EMP1: variants seen among roughly 807,000 people sequenced by gnomAD.
EMP1 encodes the protein tumor-associated membrane protein.
Under a neutral mutation model 15.7 loss-of-function variants are expected in EMP1, and 5 were observed. That is an observed-to-expected ratio of 0.32 (90% CI 0.17 to 0.67). The LOEUF is 0.67. Among genes scored for constraint, EMP1 ranks in the 30% least tolerant of loss-of-function variants. The pLI, the probability that EMP1 is intolerant of heterozygous loss-of-function variation, is 0.74. For synonymous variants in EMP1, 78 were observed against 76.7 expected (o/e 1.02, Z -0.09); for missense variants, 166 against 194.2 (o/e 0.85, Z 0.86).
At chr12:13,207,474 G>C (rs1864121123) in intron 1 of EMP1, among the ~76,000 whole-genome samples, 1 of 152,100 alleles carries the variant, frequency 6.6e-6, no homozygotes, top group Non-Finnish European at 1.5e-5. Context: ...GTGTGGTCTG[G>C]GCAATGCAGA....
chr12:13,212,222 A>G (rs1291335794), intron 2 of EMP1, among the ~76,000 whole-genome samples: 3 of 152,152 alleles, frequency 2.0e-5, no homozygotes, highest in Non-Finnish European at 4.4e-5. Context: ...GAAAAAAAAA[A>G]TGGAGGTAGT....
At position 13,216,895 on chromosome 12, in the gene EMP1, G is replaced by A. The variant is rs1864221031; in HGVS notation, c.*2204G>A. Reference sequence around the variant, plus strand: ...ACTTGACATTTATTTGAGACATTAAGCTACTTTCTGGTAATATATTAGGCA... The same window carrying A: ...ACTTGACATTTATTTGAGACATTAAACTACTTTCTGGTAATATATTAGGCA... On this transcript the variant is annotated 3_prime_UTR_variant, in exon 5 of 5. Coordinates refer to ENST00000256951, the MANE Select transcript of EMP1 (RefSeq NM_001423.3). The A allele has an allele frequency of 6.3e-6, 1 of 158,478 alleles. No homozygotes were observed. 9.8% of individuals were successfully genotyped at this position (158,478 alleles called of 1,614,324 possible). A position where few individuals can be genotyped will look rare whatever the true frequency, so the allele number is the denominator to read the frequency against.
intron 1 of EMP1, chr12:13,199,621 T>A (rs11055279): frequency 1.3e-5 from 2 of 152,200 alleles, no homozygotes; most frequent in Non-Finnish European, 2.9e-5. Flanking sequence ...TCCTACTGTA[T>A]GCAGAAATCT....
Position 13,199,957 on chromosome 12 carries a change from TCTTCTTC to T in EMP1, c.-43+3086_-43+3092del, listed in dbSNP as rs1445231190. Among the ~76,000 whole-genome samples, 14 of 143,276 alleles carry T rather than the reference TCTTCTTC, an allele frequency of 9.8e-5. No homozygotes were observed. In the South Asian group the frequency reaches 2.3e-3, roughly 23 times the overall value. 94.0% of individuals were successfully genotyped at this position (143,276 alleles called of 152,430 possible). A position where few individuals can be genotyped will look rare whatever the true frequency, so the allele number is the denominator to read the frequency against. On this transcript the variant is annotated intron_variant, in intron 1 of 4. Transcript: ENST00000256951. ...TTGCATTATCTTTTCTTCTTCTTCT[TCTTCTTC>T]TTTTTTTTTTTTTTTTTGCCTAAGG... is the stretch of plus-strand genomic sequence containing the variant.
intron 1 of EMP1, among the ~76,000 whole-genome samples, chr12:13,203,883 C>G (rs1864087536): frequency 6.6e-6 from 1 of 152,196 alleles, no homozygotes; most frequent in Non-Finnish European, 1.5e-5. Context: ...AATAGGTTCT[C>G]TCTCTCTCAT....
rs1053419307 is a variant in EMP1 at position 13,215,093 on chromosome 12, T to C, written c.*402T>C. 2 of 196,926 alleles carry C rather than the reference T, an allele frequency of 1.0e-5. No homozygotes were observed. The highest frequency in any genetic ancestry group is 2.1e-5 in the Non-Finnish European group (2 of 94,652). 12.2% of individuals were successfully genotyped at this position (196,926 alleles called of 1,614,324 possible). A position where few individuals can be genotyped will look rare whatever the true frequency, so the allele number is the denominator to read the frequency against. On this transcript the variant is annotated 3_prime_UTR_variant, in exon 5 of 5. Coordinates refer to ENST00000256951, the MANE Select transcript of EMP1 (RefSeq NM_001423.3). ...CGGTACAAGTTCTGGCAAGAGCAGA[T>C]ACTGTCTTTGTGCTGAATACGCTAA...
rs1426264874 is a variant in EMP1, at chr12:13,197,333, A to G, written c.-43+461A>G. 2.0e-5 allele frequency among the ~76,000 whole-genome samples: 3 copies of G among 151,958 alleles called. No homozygotes were observed. The East Asian group carries it at 5.8e-4, about 29-fold the overall frequency. On this transcript the variant is annotated intron_variant, in intron 1 of 4. Transcript: ENST00000256951. Reference sequence around the variant, plus strand: ...CTCTGCTCGCTGGTTGTTGGTTGGGATTTTTTGGGTGGTGGTGGATAGATA... The same window carrying G: ...CTCTGCTCGCTGGTTGTTGGTTGGGGTTTTTTGGGTGGTGGTGGATAGATA...
At chr12:13,199,480 T>G (rs540027939) in intron 1 of EMP1, 1 of 152,402 alleles carries the variant, frequency 6.6e-6, no homozygotes, top group Non-Finnish European at 1.5e-5. Context: ...CTGTAGACTC[T>G]ATGGAGCCTG....
chr12:13,209,380 G>T (rs1864144237), intron 1 of EMP1: 1 of 152,088 alleles, frequency 6.6e-6, no homozygotes, highest in Non-Finnish European at 1.5e-5. Flanking sequence ...AGGGGCAAGG[G>T]TTAGACAAAT....
chr12:13,209,424 C>T (rs1450079034), intron 1 of EMP1: 1 of 152,184 alleles, frequency 6.6e-6, no homozygotes, highest in Non-Finnish European at 1.5e-5. Context: ...GGATTGTATA[C>T]ACCCTGCCTC....
intron 2 of EMP1, among the ~76,000 whole-genome samples, chr12:13,212,341 A>G (rs1864172548): frequency 6.6e-6 from 1 of 152,186 alleles, no homozygotes; most frequent in South Asian, 2.1e-4. Flanking sequence ...CCTTGGACCT[A>G]AAAACCAAGG....
In EMP1 at chr12:13,213,461, C is replaced by A; in HGVS notation, c.79-18C>A. ...AGGGCCAGCTTTCAATTAACATTTT[C>A]TTTCCTTCTGGTTTCAGGTCTGGTT... On this transcript the variant is annotated intron_variant, in intron 2 of 4. Transcript: ENST00000256951. 1 of 1,610,992 alleles carries A rather than the reference C, an allele frequency of 6.2e-7. No individual in the cohort carries two copies. Among genetic ancestry groups the A allele is most frequent in the Non-Finnish European group, 8.5e-7 (1 of 1,177,844 alleles).
At chr12:13,212,515 C>G (rs1864174048) in intron 2 of EMP1, among the ~76,000 whole-genome samples, 1 of 152,180 alleles carries the variant, frequency 6.6e-6, no homozygotes, top group Non-Finnish European at 1.5e-5. Flanking sequence ...TAAGACAACC[C>G]CCGCCCACGT....
At position 13,214,670 on chromosome 12, in the gene EMP1, T is replaced by G; in HGVS notation, c.453T>G (p.Tyr151Ter). ...FCFSFIIGVL[Y>*]LVLRKK is the part of the protein sequence containing the mutation. ...TCAGCTTCATCATCGGCGTTCTCTATCTGGTCCTGAGAAAGAAATAAGGCC... is the reference window on the plus strand; with the variant it reads ...TCAGCTTCATCATCGGCGTTCTCTAGCTGGTCCTGAGAAAGAAATAAGGCC... The change falls in exon 5 of 5, where the codon TAT (tyrosine) becomes TAG (stop). Residue 151 changes from tyrosine (Y) to a stop codon, truncating the protein, a stop_gained. Coordinates refer to ENST00000256951, the MANE Select transcript of EMP1 (RefSeq NM_001423.3). LOFTEE classifies it high-confidence loss of function. The G allele has an allele frequency of 6.2e-7, 1 of 1,613,148 alleles. No homozygotes were observed. The highest frequency in any genetic ancestry group is 8.5e-7 in the Non-Finnish European group (1 of 1,179,778).
At chr12:13,203,159 G>T (rs780434001) in intron 1 of EMP1, among the ~76,000 whole-genome samples, 3 of 152,122 alleles carry the variant, frequency 2.0e-5, no homozygotes, top group African/African-American at 7.2e-5. Flanking sequence ...GCATGTTGCC[G>T]CCATCTACTG....
intron 1 of EMP1, among the ~76,000 whole-genome samples, chr12:13,203,284 G>A (rs747331955): frequency 2.6e-5 from 4 of 152,186 alleles, no homozygotes; most frequent in Admixed American, 6.5e-5. Context: ...CAGAACACTC[G>A]TTTGTCAAAA....
chr12:13,211,946 G>A lies in EMP1; in HGVS notation c.78+358G>A, dbSNP rs977634355. The A allele has an allele frequency of 7.6e-6, 2 of 262,146 alleles. No homozygotes were observed. The highest frequency in any genetic ancestry group is 1.0e-4 in the Admixed American group (2 of 19,402). The allele number at this position is 262,146 out of a possible 1,614,324, so 16.2% of individuals were successfully genotyped here. On this transcript the variant is annotated intron_variant, in intron 2 of 4. Transcript: ENST00000256951. This position sits in a 1 kb window ranked among gnomAD's most constrained non-coding sequence, Gnocchi z 4.7. ...TCTTAGTGAAAGAGGGAAGGTGGAAGGATCATAGGGATGCATTCAGGTGGG... is the reference window on the plus strand; with the variant it reads ...TCTTAGTGAAAGAGGGAAGGTGGAAAGATCATAGGGATGCATTCAGGTGGG...
intron 1 of EMP1, among the ~76,000 whole-genome samples, chr12:13,206,848 A>G (rs969045114): frequency 3.3e-5 from 5 of 152,144 alleles, no homozygotes; most frequent in Admixed American, 1.3e-4. Flanking sequence ...AGAGAACCCT[A>G]AAAGTGTTAG....
intron 1 of EMP1, among the ~76,000 whole-genome samples, chr12:13,203,593 G>A (rs1021812231): frequency 1.8e-4 from 27 of 152,224 alleles, no homozygotes; most frequent in African/African-American, 6.0e-4. Context: ...CCATTTCCCC[G>A]GCCCGAGCCT....
Sources: allele counts gnomAD v4.1 joint callset (sites outside exome capture counted in the v4.1 genomes callset), GRCh38; gene constraint gnomAD v4.1.1; non-coding constraint Gnocchi (gnomAD v3.1); transcripts MANE v1.5; gene names NCBI Gene and HGNC (gene_info 2026-07-23, HGNC 2026-07-21).